Variants in PAQR8 observed in about 807,000 individuals in gnomAD.
PAQR8 encodes progestin and adipoQ receptor family member 8.
Under a neutral mutation model 25.2 loss-of-function variants are expected in PAQR8, and 17 were observed. The ratio of observed to expected loss-of-function variants is 0.67; its 90% CI spans 0.46 to 1.01. PAQR8 has a LOEUF of 1.01. Ranked by LOEUF, PAQR8 falls within the 50% of genes least tolerant of loss-of-function variation. The pLI is 0.00. For synonymous variants in PAQR8, 204 were observed against 190.6 expected (o/e 1.07, Z -0.58); for missense variants, 392 against 448.4 (o/e 0.87, Z 1.14).
intron 1 of PAQR8, among the ~76,000 whole-genome samples, chr6:52,387,689 G>A (rs940550622): frequency 6.6e-6 from 1 of 152,208 alleles, no homozygotes; most frequent in Non-Finnish European, 1.5e-5. Flanking sequence ...GCCGTTAGGA[G>A]GTGATCACCT....
At chr6:52,373,979 G>C (rs1581789617) in intron 1 of PAQR8, among the ~76,000 whole-genome samples, 1 of 152,244 alleles carries the variant, frequency 6.6e-6, no homozygotes, top group South Asian at 2.1e-4. Context: ...CCCCATTGAA[G>C]TTGTCATCCT....
At chr6:52,383,634 C>G (rs1763591537) in intron 1 of PAQR8, among the ~76,000 whole-genome samples, 1 of 132,348 alleles carries the variant, frequency 7.6e-6, no homozygotes, top group Admixed American at 8.3e-5. Flanking sequence ...GCACTCCAGC[C>G]TGGGCGACAG....
chr6:52,402,816 C>G (rs1361033447), intron 1 of PAQR8, among the ~76,000 whole-genome samples: 1 of 152,072 alleles, frequency 6.6e-6, no homozygotes, highest in Admixed American at 6.5e-5. Context: ...TGGCTCACGC[C>G]TGTAATCTCA....
chr6:52,391,323 G>C (rs1251756654), intron 1 of PAQR8, among the ~76,000 whole-genome samples: 1 of 152,162 alleles, frequency 6.6e-6, no homozygotes, highest in Admixed American at 6.5e-5. Context: ...ATGTAAATAT[G>C]CTAGTTATTT....
chr6:52,388,654 C>G (rs924441277), intron 1 of PAQR8, among the ~76,000 whole-genome samples: 4 of 152,146 alleles, frequency 2.6e-5, no homozygotes, highest in African/African-American at 9.7e-5. Context: ...CACTGGACAC[C>G]AAATCTGCTG....
intron 1 of PAQR8, among the ~76,000 whole-genome samples, chr6:52,397,446 A>T (rs1330743769): frequency 1.3e-5 from 2 of 152,150 alleles, no homozygotes; most frequent in African/African-American, 4.8e-5. Context: ...GTTCTCTTCT[A>T]TAGATCTATT....
chr6:52,403,240 G>A lies in PAQR8; in HGVS notation c.27G>A (p.Leu9=), dbSNP rs1439478954. The change falls in exon 2 of 2, where the codon CTG becomes CTA. Residue 9 remains leucine (L), a synonymous_variant. Transcript: ENST00000442253. The stretch of plus-strand genomic sequence containing the variant: ...TGACGACCGCCATCTTGGAGCGCCT[G>A]AGCACCCTGTCGGTCAGCGGGCAGC... MTTAILER[L]STLSVSGQQL... is the part of the protein sequence containing the mutation. 1.2e-6 allele frequency: 2 copies of A among 1,605,778 alleles called. No individual in the cohort carries two copies. Among genetic ancestry groups the A allele is most frequent in the Non-Finnish European group, 1.7e-6 (2 of 1,173,968 alleles).
At chr6:52,402,511 G>A (rs1299156120) in intron 1 of PAQR8, among the ~76,000 whole-genome samples, 2 of 151,920 alleles carry the variant, frequency 1.3e-5, no homozygotes, top group African/African-American at 4.8e-5. Context: ...CAGCTACTTG[G>A]GAGGCTGAGG....
intron 1 of PAQR8, among the ~76,000 whole-genome samples, chr6:52,369,433 C>T (rs1316122384): frequency 6.6e-6 from 1 of 152,186 alleles, no homozygotes; most frequent in Non-Finnish European, 1.5e-5. Flanking sequence ...AATCTCTATT[C>T]TCAAAGAATA....
At chr6:52,370,007 A>G (rs1763398649) in intron 1 of PAQR8, among the ~76,000 whole-genome samples, 1 of 152,182 alleles carries the variant, frequency 6.6e-6, no homozygotes, top group Admixed American at 6.5e-5. Flanking sequence ...GATTCCGCAA[A>G]TCTTGGTTTG....
chr6:52,375,979 G>T (rs1315261085), intron 1 of PAQR8, among the ~76,000 whole-genome samples: 1 of 152,186 alleles, frequency 6.6e-6, no homozygotes, highest in African/African-American at 2.4e-5. Context: ...GGGAAGAAAA[G>T]GAATTGAAAC....
chr6:52,370,031 TG>T (rs1763398880), intron 1 of PAQR8, among the ~76,000 whole-genome samples: 1 of 152,094 alleles, frequency 6.6e-6, no homozygotes, highest in Admixed American at 6.5e-5. Context: ...AAGAGGTTCA[TG>T]TTAATTCATG....
At chr6:52,396,281 T>TA (rs1038836472) in intron 1 of PAQR8, among the ~76,000 whole-genome samples, 5 of 152,188 alleles carry the variant, frequency 3.3e-5, no homozygotes, top group South Asian at 2.1e-4. Context: ...GACTTCTAGT[T>TA]AGAGTGTTGA....
At chr6:52,377,044 A>G (rs1239048930) in intron 1 of PAQR8, among the ~76,000 whole-genome samples, 1 of 152,178 alleles carries the variant, frequency 6.6e-6, no homozygotes, top group Non-Finnish European at 1.5e-5. Flanking sequence ...TCTTGCTGGT[A>G]CTGTATCCTC....
rs964712272 is a variant in PAQR8 at position 52,362,386 on chromosome 6, A to T, written c.-53+137A>T. 5 of 152,272 alleles carry T rather than the reference A, an allele frequency of 3.3e-5. No homozygotes were observed. Among genetic ancestry groups the T allele is most frequent in the African/African-American group, 1.2e-4 (5 of 41,474 alleles). 9.4% of individuals were successfully genotyped at this position (152,272 alleles called of 1,614,324 possible). ...TGGGGAGTCCTCGCACCCCGAGCTC[A>T]GAGGGGAGGTCCAGAGTCGCAGCGT... On this transcript the variant is annotated intron_variant, in intron 1 of 1. Transcript: ENST00000442253. This position sits in a 1 kb window ranked among gnomAD's most constrained non-coding sequence, Gnocchi z 4.1.
Position 52,405,099 on chromosome 6 carries a change from A to T in PAQR8, c.*821A>T, listed in dbSNP as rs987045686. ...CTATATGGTATCATGGGACCCATCT[A>T]TTTTTTACCAGTGGACTACAGGATT... On this transcript the variant is annotated 3_prime_UTR_variant, in exon 2 of 2. Transcript: ENST00000442253. The T allele has an allele frequency of 6.0e-6, 1 of 167,070 alleles. No homozygotes were observed. Among genetic ancestry groups the T allele is most frequent in the Admixed American group, 6.5e-5 (1 of 15,278 alleles). 10.3% of individuals were successfully genotyped at this position (167,070 alleles called of 1,614,324 possible). A position where few individuals can be genotyped will look rare whatever the true frequency, so the allele number is the denominator to read the frequency against.
At chr6:52,396,692 C>A (rs1763770905) in intron 1 of PAQR8, among the ~76,000 whole-genome samples, 2 of 152,016 alleles carry the variant, frequency 1.3e-5, no homozygotes, top group African/African-American at 2.4e-5. Flanking sequence ...ATTTTGAAGA[C>A]CTAAATTAAG....
At chr6:52,369,417 GA>G (rs1228175301) in intron 1 of PAQR8, among the ~76,000 whole-genome samples, 1 of 151,982 alleles carries the variant, frequency 6.6e-6, no homozygotes, top group Non-Finnish European at 1.5e-5. Flanking sequence ...CAAAGAAGAA[GA>G]AAAAAATCTC....
At chr6:52,366,541 T>G (rs1763355870) in intron 1 of PAQR8, among the ~76,000 whole-genome samples, 1 of 152,208 alleles carries the variant, frequency 6.6e-6, no homozygotes, top group Non-Finnish European at 1.5e-5. Context: ...TCTTTCAAAA[T>G]TAGATCCCAA....
Sources: allele counts gnomAD v4.1 joint callset (sites outside exome capture counted in the v4.1 genomes callset), GRCh38; gene constraint gnomAD v4.1.1; non-coding constraint Gnocchi (gnomAD v3.1); transcripts MANE v1.5; gene names NCBI Gene and HGNC (gene_info 2026-07-23, HGNC 2026-07-21).